The following NT5DC3 variants were observed in gnomAD, a reference collection of about 807,000 sequenced individuals.
NT5DC3 encodes 5'-nucleotidase domain-containing protein 3.
In NT5DC3, 42 loss-of-function variants were observed where a neutral mutation model predicts 67.8. That is an observed-to-expected ratio of 0.62 (90% CI 0.48 to 0.80). NT5DC3 has a LOEUF of 0.80. Ranked by LOEUF, NT5DC3 falls within the 30% of genes least tolerant of loss-of-function variation. The pLI is 0.00. For synonymous variants in NT5DC3, 237 were observed against 255.6 expected (o/e 0.93, Z 0.69); for missense variants, 570 against 696.4 (o/e 0.82, Z 2.04).
chr12:103,792,063 T>C (rs1008792926), intron 9 of NT5DC3, among the ~76,000 whole-genome samples: 7 of 152,218 alleles, frequency 4.6e-5, no homozygotes, highest in Non-Finnish European at 1.0e-4. Context: ...AGTTTAGTGC[T>C]TCTTTCTTTG....
the NT5DC3 span, chr12:103,761,496 C>A: frequency 8.3e-7 from 1 of 1,203,328 alleles, no homozygotes; most frequent in Non-Finnish European, 1.2e-6. Context: ...GAAGCCCTGT[C>A]CTCCTCCCTC....
intron 12 of NT5DC3, among the ~76,000 whole-genome samples, chr12:103,783,879 G>T (rs1885658921): frequency 6.6e-6 from 1 of 151,918 alleles, no homozygotes; most frequent in Non-Finnish European, 1.5e-5. Flanking sequence ...CAGCTGCCAG[G>T]GTCACAGAGA....
chr12:103,748,988 C>T, the NT5DC3 span: 64 of 1,613,706 alleles, frequency 4.0e-5, no homozygotes, highest in Admixed American at 1.2e-4. Context: ...AACAGGACAA[C>T]GGGGGCTGTG....
chr12:103,800,928 A>T (rs1465033846), intron 4 of NT5DC3, among the ~76,000 whole-genome samples: 2 of 152,200 alleles, frequency 1.3e-5, no homozygotes, highest in Non-Finnish European at 2.9e-5. Flanking sequence ...GTCACTGAGA[A>T]GATCACAGGA....
the NT5DC3 span, chr12:103,753,155 C>G: frequency 6.3e-7 from 1 of 1,594,000 alleles, no homozygotes; most frequent in Non-Finnish European, 8.6e-7. Context: ...CCTTCAGAGT[C>G]CATTGTTGGA....
chr12:103,748,584 CCACACACACACACACA>C, the NT5DC3 span, among the ~76,000 whole-genome samples: 1 of 141,854 alleles, frequency 7.0e-6, no homozygotes, highest in Non-Finnish European at 1.5e-5. Context: ...TAACTCTACA[CCACACACACACACACA>C]CACATACACA....
Position 103,817,906 on chromosome 12 carries a change from C to T in NT5DC3, c.209-2785G>A, listed in dbSNP as rs573437456. On this transcript the variant is annotated intron_variant, in intron 1 of 13. Transcript: ENST00000392876. Reference sequence around the variant, plus strand: ...AATATACTCATTCACTCTAAAAAGCCACCTGAAACGTTCAAGAAGCATTCC... The same window carrying T: ...AATATACTCATTCACTCTAAAAAGCTACCTGAAACGTTCAAGAAGCATTCC... Among the ~76,000 whole-genome samples, 10 of 152,302 alleles carry T rather than the reference C, an allele frequency of 6.6e-5. No individual in the cohort carries two copies. The South Asian group carries it at 2.1e-3, about 32-fold the overall frequency.
intron 1 of NT5DC3, among the ~76,000 whole-genome samples, chr12:103,825,075 GC>G (rs141440230): frequency 2.0e-5 from 3 of 152,006 alleles, no homozygotes; most frequent in East Asian, 1.9e-4. Flanking sequence ...GGCTGGGCAT[GC>G]CCCCCCGGGA....
the NT5DC3 span, chr12:103,749,190 A>T: frequency 3.2e-6 from 5 of 1,567,378 alleles, no homozygotes; most frequent in Non-Finnish European, 4.3e-6. Context: ...ATTTGGGAGC[A>T]GCGCCGTGGG....
chr12:103,749,872 A>G, the NT5DC3 span, among the ~76,000 whole-genome samples: 43,583 of 131,414 alleles, frequency 0.33, 8,149 homozygotes, highest in East Asian at 0.49. Context: ...AAAAAAAAAA[A>G]GCTGGTAAGA....
At chr12:103,749,862 A>G in the NT5DC3 span, among the ~76,000 whole-genome samples, 1 of 147,418 alleles carries the variant, frequency 6.8e-6, no homozygotes, top group Non-Finnish European at 1.5e-5. Context: ...AAAAAAAAAA[A>G]AAAAAAAAAA....
At chr12:103,747,175 C>A in the NT5DC3 span, among the ~76,000 whole-genome samples, 2 of 152,036 alleles carry the variant, frequency 1.3e-5, no homozygotes, top group Non-Finnish European at 1.5e-5. Flanking sequence ...AAAAAAAAAT[C>A]AGAAAATACA....
chr12:103,822,241 A>G (rs913780918), intron 1 of NT5DC3, among the ~76,000 whole-genome samples: 3 of 152,108 alleles, frequency 2.0e-5, no homozygotes, highest in South Asian at 2.1e-4. Flanking sequence ...GATTTGCAAC[A>G]TAAGATTTTT....
rs138736078 is a variant in NT5DC3, at chr12:103,816,523, G to A, written c.209-1402C>T. ...CGTGTGACTACCTTCTACCATCAGG[G>A]TCCACTGGATGTTAGGTTTGGGTTT... On this transcript the variant is annotated intron_variant, in intron 1 of 13. Transcript: ENST00000392876. Among the ~76,000 whole-genome samples the A allele has an allele frequency of 1.1e-3, 169 of 152,296 alleles. 1 individual carries two copies. The highest frequency in any genetic ancestry group is 3.4e-3 in the Middle Eastern group (1 of 294).
chr12:103,758,138 G>C, the NT5DC3 span: 9 of 1,613,340 alleles, frequency 5.6e-6, no homozygotes, highest in African/African-American at 1.3e-5. Context: ...CACCAGGGCT[G>C]GCCCCTCTGA....
rs766607290 is a variant in NT5DC3, at chr12:103,794,148, C to CTTTT, written c.754-152_754-151insAAAA. ...AATCTAAATTCTGGTCCATTTTCTTCTTCTTTTTTTTTTTTTTTTGAGACA... is the reference window on the plus strand; with the variant it reads ...AATCTAAATTCTGGTCCATTTTCTTCTTTTTTCTTTTTTTTTTTTTTTTGAGACA... On this transcript the variant is annotated intron_variant, in intron 6 of 13. Transcript: ENST00000392876. The CTTTT allele has an allele frequency of 8.7e-4, 424 of 488,756 alleles. 6 individuals are homozygous for CTTTT. Among genetic ancestry groups the CTTTT allele is most frequent in the East Asian group, 3.3e-3 (72 of 21,952 alleles). The allele number at this position is 488,756 out of a possible 1,614,324, so 30.3% of individuals were successfully genotyped here.
chr12:103,753,962 T>C, the NT5DC3 span, among the ~76,000 whole-genome samples: 231 of 152,296 alleles, frequency 1.5e-3, no homozygotes, highest in African/African-American at 5.1e-3. Context: ...AGCTCTTTGA[T>C]CAGGTGCTGC....
intron 4 of NT5DC3, among the ~76,000 whole-genome samples, chr12:103,800,403 A>C (rs1201264802): frequency 6.6e-6 from 1 of 152,266 alleles, no homozygotes; most frequent in East Asian, 1.9e-4. Flanking sequence ...GCCCTTGCTG[A>C]GTAGCAGCAG....
Position 103,833,891 on chromosome 12 carries a change from A to G in NT5DC3, c.208+7058T>C, listed in dbSNP as rs150175529. Among the ~76,000 whole-genome samples the G allele has an allele frequency of 2.6e-3, 392 of 152,332 alleles. 1 individual carries two copies. The highest frequency in any genetic ancestry group is 9.1e-3 in the African/African-American group (379 of 41,562). On this transcript the variant is annotated intron_variant, in intron 1 of 13. Transcript: ENST00000392876. ...AAGACACACGCAACATTAAAGCACA[A>G]CAGAAAAGAAGAGACCACACATAGG...
Sources: gnomAD v4.1 joint callset for allele counts (sites outside exome capture counted in the v4.1 genomes callset) on GRCh38, gnomAD v4.1.1 for gene constraint, MANE v1.5 for transcripts, NCBI Gene and HGNC (gene_info 2026-07-23, HGNC 2026-07-21) for gene names.